The following CAMTA1 variants were observed in gnomAD, a reference collection of about 807,000 sequenced individuals.
CAMTA1 encodes the protein calmodulin binding transcription activator 1.
A neutral mutation model predicts 170.9 loss-of-function variants in CAMTA1; 27 were observed. That is an observed-to-expected ratio of 0.16 (90% CI 0.12 to 0.22). The LOEUF (loss-of-function observed/expected upper bound fraction) is 0.22, where lower values mean the gene tolerates loss of function less well. Among genes scored for constraint, CAMTA1 ranks in the 10% least tolerant of loss-of-function variants. CAMTA1 has a pLI of 1.00. For synonymous variants in CAMTA1, 833 were observed against 891.5 expected, an observed-to-expected ratio of 0.93 and a Z score of 1.17; for missense variants, 1,619 against 2,217.2, an observed-to-expected ratio of 0.73 and a Z score of 5.42.
At chr1:6,958,544 T>C (rs1689859207) in intron 3 of CAMTA1, among the ~76,000 whole-genome samples, 1 of 152,218 alleles carries the variant, frequency 6.6e-6, no homozygotes, top group South Asian at 2.1e-4. Context: ...GCTCCAGGCC[T>C]ATTACTGAAG....
At chr1:7,353,676 AG>A (rs2084875172) in intron 5 of CAMTA1, among the ~76,000 whole-genome samples, 1 of 152,128 alleles carries the variant, frequency 6.6e-6, no homozygotes, top group Non-Finnish European at 1.5e-5. Context: ...CACCTGCCCC[AG>A]CCTGCTAAAG....
intron 5 of CAMTA1, among the ~76,000 whole-genome samples, chr1:7,417,693 G>A (rs2091282595): frequency 6.6e-6 from 1 of 152,162 alleles, no homozygotes; most frequent in South Asian, 2.1e-4. Context: ...TCTTTGACTA[G>A]GAAAGGGAAC....
At chr1:7,605,783 G>T (rs1325482586) in intron 6 of CAMTA1, among the ~76,000 whole-genome samples, 3 of 152,202 alleles carry the variant, frequency 2.0e-5, no homozygotes, top group Non-Finnish European at 2.9e-5. Context: ...GCTCATGCGG[G>T]GAGCTGTAGA....
intron 3 of CAMTA1, among the ~76,000 whole-genome samples, chr1:7,020,834 G>A (rs1701237604): frequency 6.6e-6 from 1 of 152,212 alleles, no homozygotes; most frequent in Non-Finnish European, 1.5e-5. Context: ...ACCCTGGAGG[G>A]ACCGGAGCTG....
In CAMTA1 at chr1:7,063,330, G is replaced by A. The variant is rs777762370; in HGVS notation, c.235-27974G>A. Reference sequence around the variant, plus strand: ...CTCAGACCCGTCAGTGTGCTGAGGCGCAGCTTCCCAGAGGGAGGTGTCATC... The same window carrying A: ...CTCAGACCCGTCAGTGTGCTGAGGCACAGCTTCCCAGAGGGAGGTGTCATC... On this transcript the variant is annotated intron_variant, in intron 3 of 22. Coordinates refer to ENST00000303635, the MANE Select transcript of CAMTA1 (RefSeq NM_015215.4). This position sits in a 1 kb window ranked among gnomAD's most constrained non-coding sequence, Gnocchi z 4.3. 2.0e-5 allele frequency among the ~76,000 whole-genome samples: 3 copies of A among 152,218 alleles called. No individual in the cohort carries two copies. Among genetic ancestry groups the A allele is most frequent in the African/African-American group, 4.8e-5 (2 of 41,468 alleles).
At chr1:6,867,279 T>C (rs1240159622) in intron 3 of CAMTA1, among the ~76,000 whole-genome samples, 2 of 152,218 alleles carry the variant, frequency 1.3e-5, no homozygotes, top group African/African-American at 4.8e-5. Flanking sequence ...AGTTACATTA[T>C]TGAGGATAAA....
At chr1:7,436,743 T>A (rs756851978) in intron 5 of CAMTA1, among the ~76,000 whole-genome samples, 11 of 152,158 alleles carry the variant, frequency 7.2e-5, no homozygotes, top group Non-Finnish European at 1.3e-4. Context: ...CTGTCTCTTA[T>A]TAACTTGTAG....
chr1:7,710,885 C>T (rs766727871), intron 11 of CAMTA1, among the ~76,000 whole-genome samples: 3 of 152,098 alleles, frequency 2.0e-5, no homozygotes, highest in Non-Finnish European at 2.9e-5. Context: ...CAGGAAATGT[C>T]TCATCTCTTA....
intron 4 of CAMTA1, among the ~76,000 whole-genome samples, chr1:7,160,940 T>C (rs1478692300): frequency 6.6e-6 from 1 of 152,204 alleles, no homozygotes; most frequent in Non-Finnish European, 1.5e-5. Flanking sequence ...GTACCTCTGA[T>C]ACCTGGAAGT....
At chr1:7,226,482 A>T (rs1661714822) in intron 4 of CAMTA1, among the ~76,000 whole-genome samples, 1 of 152,198 alleles carries the variant, frequency 6.6e-6, no homozygotes, top group African/African-American at 2.4e-5. Context: ...AAGATAGAAC[A>T]GGCTCATTGA....
At chr1:7,283,346 C>T (rs1357148640) in intron 5 of CAMTA1, among the ~76,000 whole-genome samples, 3 of 152,180 alleles carry the variant, frequency 2.0e-5, no homozygotes, top group Admixed American at 1.3e-4. Flanking sequence ...GGTCAGCCCT[C>T]CTCAAGTTTT....
rs140489367 is a variant in CAMTA1 at position 7,045,308 on chromosome 1, T to C, written c.235-45996T>C. On this transcript the variant is annotated intron_variant, in intron 3 of 22. Coordinates refer to ENST00000303635, the MANE Select transcript of CAMTA1 (RefSeq NM_015215.4). ...CTCCAGGGATGAGACCAACCTCTCC[T>C]GGAAGGGCATTGCTGTTGCTAGCCA... 2.6e-3 allele frequency among the ~76,000 whole-genome samples: 391 copies of C among 152,306 alleles called. 1 individual carries two copies. The highest frequency in any genetic ancestry group is 8.0e-3 in the African/African-American group (333 of 41,568).
intron 5 of CAMTA1, among the ~76,000 whole-genome samples, chr1:7,423,283 C>G (rs2091683337): frequency 6.6e-6 from 1 of 152,110 alleles, no homozygotes. Context: ...CTAGCCTGGC[C>G]AACATAGCGA....
At chr1:6,805,273 A>G (rs1644383739) in intron 1 of CAMTA1, among the ~76,000 whole-genome samples, 1 of 152,168 alleles carries the variant, frequency 6.6e-6, no homozygotes, top group Non-Finnish European at 1.5e-5. Flanking sequence ...TTCCCTAGTG[A>G]CTAATGATGT....
At chr1:7,069,308 A>G (rs1204380592) in intron 3 of CAMTA1, among the ~76,000 whole-genome samples, 1 of 152,228 alleles carries the variant, frequency 6.6e-6, no homozygotes, top group Non-Finnish European at 1.5e-5. Flanking sequence ...TATGAGACTC[A>G]GAGATGTTAA....
At chr1:7,563,090 C>G (rs1183117603) in intron 6 of CAMTA1, among the ~76,000 whole-genome samples, 1 of 152,260 alleles carries the variant, frequency 6.6e-6, no homozygotes, top group East Asian at 1.9e-4. Context: ...CAGCCCCTCC[C>G]CAGCCCCAAG....
chr1:7,705,156 T>C (rs2096498359), intron 11 of CAMTA1, among the ~76,000 whole-genome samples: 2 of 144,370 alleles, frequency 1.4e-5, no homozygotes, highest in South Asian at 2.4e-4. Context: ...GTGGGAAGTG[T>C]GGGGATCCGG....
In CAMTA1 at chr1:7,477,555, A is replaced by G. The variant is rs376222871; in HGVS notation, c.510+9654A>G. Among the ~76,000 whole-genome samples, 13 of 152,318 alleles carry G rather than the reference A, an allele frequency of 8.5e-5. No homozygotes were observed. The East Asian group carries it at 2.5e-3, about 29-fold the overall frequency. On this transcript the variant is annotated intron_variant, in intron 6 of 22. Coordinates refer to ENST00000303635, the MANE Select transcript of CAMTA1 (RefSeq NM_015215.4). Reference sequence around the variant, plus strand: ...TGCCTGATTGCAGTTTACGATGCCAAGGCCACTGCTGTACCCACCTAAAGC... The same window carrying G: ...TGCCTGATTGCAGTTTACGATGCCAGGGCCACTGCTGTACCCACCTAAAGC...
intron 3 of CAMTA1, among the ~76,000 whole-genome samples, chr1:7,042,515 G>A (rs992917653): frequency 6.6e-6 from 1 of 152,336 alleles, no homozygotes; most frequent in East Asian, 1.9e-4. Flanking sequence ...CTCCCCCTGA[G>A]CTCATGGCAG....
Sources: gnomAD v4.1 joint callset for allele counts (sites outside exome capture counted in the v4.1 genomes callset) on GRCh38, gnomAD v4.1.1 for gene constraint, Gnocchi (gnomAD v3.1) non-coding constraint, MANE v1.5 for transcripts, NCBI Gene and HGNC (gene_info 2026-07-23, HGNC 2026-07-21) for gene names.